The following SGO1 variants were observed in gnomAD, a reference collection of about 807,000 sequenced individuals.
SGO1 encodes shugoshin 1.
SGO1 carries 39 observed loss-of-function variants against 50.5 expected under a neutral mutation model. The ratio of observed to expected loss-of-function variants is 0.77; its 90% confidence interval spans 0.60 to 1.01. The LOEUF (loss-of-function observed/expected upper bound fraction) is 1.01, where lower values mean the gene tolerates loss of function less well. SGO1 is among the 50% of genes least tolerant of loss of function. The probability of loss-of-function intolerance (pLI) is 0.00; values close to 1 mark genes in which losing one functional copy is unlikely to be tolerated. For synonymous variants in SGO1, 191 were observed against 205.1 expected (o/e 0.93, Z 0.59); for missense variants, 638 against 606.0 (o/e 1.05, Z -0.55).
At chr3:20,173,799 A>G (rs1701049117) in intron 6 of SGO1, among the ~76,000 whole-genome samples, 1 of 152,216 alleles carries the variant, frequency 6.6e-6, no homozygotes, top group South Asian at 2.1e-4. Context: ...AAGCCTATCA[A>G]TTGAGGAAAT....
rs1700536632 is a variant in SGO1 at position 20,169,827 on chromosome 3, T to C, written c.*877A>G. On this transcript the variant is annotated 3_prime_UTR_variant, in exon 8 of 8. Coordinates refer to ENST00000412997, the MANE Select transcript of SGO1 (RefSeq NM_001199251.3). ...GTCATTTTCCCATACATATTTTATCTGAAAAATTAAATATAACAGTGGTAT... is the reference window on the plus strand; with the variant it reads ...GTCATTTTCCCATACATATTTTATCCGAAAAATTAAATATAACAGTGGTAT... 1 of 975,494 alleles carries C rather than the reference T, an allele frequency of 1.0e-6. No homozygotes were observed. Among genetic ancestry groups the C allele is most frequent in the Admixed American group, 6.1e-5 (1 of 16,268 alleles). The allele number at this position is 975,494 out of a possible 1,614,324, so 60.4% of individuals were successfully genotyped here.
At chr3:20,164,332 A>G (rs1326665175) in intron 8 of SGO1, among the ~76,000 whole-genome samples, 2 of 152,174 alleles carry the variant, frequency 1.3e-5, no homozygotes, top group Non-Finnish European at 2.9e-5. Context: ...AGAAAAAAAT[A>G]TCATCTCAAT....
intron 3 of SGO1, among the ~76,000 whole-genome samples, chr3:20,182,082 CAAGAAAAAAAA>C (rs749320917): frequency 1.0e-4 from 14 of 133,350 alleles, no homozygotes; most frequent in Non-Finnish European, 1.4e-4. Flanking sequence ...GACTCTGTCT[CAAGAAAAAAAA>C]AAGAAAAAAA....
downstream of SGO1, chr3:20,169,444 T>C: frequency 2.0e-6 from 2 of 984,062 alleles, no homozygotes; most frequent in Non-Finnish European, 2.4e-6. Flanking sequence ...AGAGAGATAC[T>C]CTATTTTTGA....
chr3:20,179,682 G>C (rs1479346837), intron 3 of SGO1, among the ~76,000 whole-genome samples: 3 of 152,106 alleles, frequency 2.0e-5, no homozygotes, highest in Non-Finnish European at 4.4e-5. Context: ...TCTCACCTCA[G>C]CCTCCCAAAG....
At chr3:20,178,094 C>G (rs942037938) in intron 4 of SGO1, among the ~76,000 whole-genome samples, 177 bp downstream of exon 4, 10 of 152,080 alleles carry the variant, frequency 6.6e-5, no homozygotes, top group Non-Finnish European at 1.0e-4. Context: ...AAGGGTTTAG[C>G]TTGGCTATAT....
rs1575191569 is a variant in SGO1, at chr3:20,170,363, A to C, written c.*341T>G. The C allele has an allele frequency of 1.1e-6, 1 of 875,408 alleles. No homozygotes were observed. Among genetic ancestry groups the C allele is most frequent in the Non-Finnish European group, 1.4e-6 (1 of 729,924 alleles). 54.2% of individuals were successfully genotyped at this position (875,408 alleles called of 1,614,324 possible). A position where few individuals can be genotyped will look rare whatever the true frequency, so the allele number is the denominator to read the frequency against. On this transcript the variant is annotated 3_prime_UTR_variant, in exon 8 of 8. Transcript: ENST00000412997. Reference sequence around the variant, plus strand: ...CGGTAAGCTGAGATCGTGCCATTGCACTCCAGCCTGGGCAACAAGAATGAA... The same window carrying C: ...CGGTAAGCTGAGATCGTGCCATTGCCCTCCAGCCTGGGCAACAAGAATGAA...
upstream of SGO1, chr3:20,186,746 A>G (rs1227650067): frequency 6.6e-6 from 1 of 152,232 alleles, no homozygotes. Context: ...TTCTCGAGAA[A>G]TGGCACCAAC....
At chr3:20,183,096 A>G (rs1702215909) in intron 3 of SGO1, among the ~76,000 whole-genome samples, 1 of 152,222 alleles carries the variant, frequency 6.6e-6, no homozygotes, top group Non-Finnish European at 1.5e-5. Flanking sequence ...TACTTAGCCA[A>G]CAAGTAGGTA....
intron 8 of SGO1, among the ~76,000 whole-genome samples, chr3:20,161,994 C>T (rs895778752): frequency 2.0e-4 from 30 of 152,258 alleles, no homozygotes; most frequent in African/African-American, 7.2e-4. Context: ...TTCTTCCCAA[C>T]GTAGTTTCAG....
chr3:20,167,608 A>G (rs988762605), downstream of SGO1, among the ~76,000 whole-genome samples: 1 of 152,224 alleles, frequency 6.6e-6, no homozygotes, highest in Non-Finnish European at 1.5e-5. Flanking sequence ...AGTAATTAAA[A>G]CAAAGAAATA....
chr3:20,180,213 G>T (rs1002136678), intron 3 of SGO1, among the ~76,000 whole-genome samples: 1 of 152,166 alleles, frequency 6.6e-6, no homozygotes, highest in Admixed American at 6.6e-5. Flanking sequence ...CTTGAGCCTG[G>T]GAGGTCAAGC....
chr3:20,170,882 C>T (rs1700652090), intron 7 of SGO1, 67 bp from the exon 8 acceptor site: 6 of 1,534,992 alleles, frequency 3.9e-6, no homozygotes, highest in Non-Finnish European at 5.3e-6. Flanking sequence ...TCTTCCCTAC[C>T]AAGTTATGGT....
At chr3:20,162,597 G>C (rs932777822) in intron 8 of SGO1, among the ~76,000 whole-genome samples, 1 of 152,034 alleles carries the variant, frequency 6.6e-6, no homozygotes, top group Non-Finnish European at 1.5e-5. Context: ...TACAAGGCAG[G>C]AAAGTATAAT....
At position 20,174,259 on chromosome 3, in the gene SGO1, T is replaced by C; in HGVS notation, c.1272A>G (p.Lys424=). 6.2e-7 allele frequency: 1 copy of C among 1,612,420 alleles called. No homozygotes were observed. Among genetic ancestry groups the C allele is most frequent in the Non-Finnish European group, 8.5e-7 (1 of 1,178,994 alleles). ...AAGTAGATCACTTACTGGTAGGAGT[T>C]TTTGTTGGCTTAGAACCCTCCGTCT... ...EKETEGSKPT[K]TPTTTPPETQ... is the part of the protein sequence containing the mutation. The change falls in exon 6 of 8, where the codon AAA becomes AAG. Residue 424 remains lysine, a synonymous_variant. Coordinates refer to ENST00000412997, the MANE Select transcript of SGO1 (RefSeq NM_001199251.3).
At chr3:20,178,052 G>T (rs1158749776) in intron 4 of SGO1, among the ~76,000 whole-genome samples, 1 of 151,970 alleles carries the variant, frequency 6.6e-6, no homozygotes, top group East Asian at 1.9e-4. Flanking sequence ...TTTTTCCTAG[G>T]CATCAAAAAA....
Position 20,174,438 on chromosome 3 carries a change from C to T in SGO1, c.1093G>A (p.Glu365Lys). 1 of 1,614,152 alleles carries T rather than the reference C, an allele frequency of 6.2e-7. No individual in the cohort carries two copies. The highest frequency in any genetic ancestry group is 1.3e-5 in the African/African-American group (1 of 75,040). ...DSNREENNES[E>K]VSLCESSGSG... ...CCACTTGATTCACAGAGGCTCACTT[C>T]AGACTCGTTGTTTTCTTCTCTATTA... Residue 365 changes from glutamate to lysine, a missense_variant, in exon 6 of 8, where the codon GAA becomes AAA. Physicochemically the swap from Glu to Lys is moderately conservative, Grantham distance 56 (BLOSUM62 1). Transcript: ENST00000412997.
Position 20,174,745 on chromosome 3 carries a change from T to C in SGO1, c.786A>G (p.Pro262=), listed in dbSNP as rs781534411. 6.2e-7 allele frequency: 1 copy of C among 1,614,132 alleles called. No individual in the cohort carries two copies. The highest frequency in any genetic ancestry group is 8.5e-7 in the Non-Finnish European group (1 of 1,180,022). The change falls in exon 6 of 8, where the codon CCA becomes CCG. Residue 262 remains proline (P), a synonymous_variant. Coordinates refer to ENST00000412997, the MANE Select transcript of SGO1 (RefSeq NM_001199251.3). ...CTTCTTTTGTTTTAGTAAACGTTCC[T>C]GGCTGAATCAGCTTTGGTGATAAGT... ...QVNLSPKLIQ[P]GTFTKTKEDI...
intron 1 of SGO1, among the ~76,000 whole-genome samples, chr3:20,185,460 A>G (rs1290481807): frequency 6.6e-6 from 1 of 152,130 alleles, no homozygotes; most frequent in African/African-American, 2.4e-5. Context: ...GACAGACCAC[A>G]GCGCGAGATG....
Sources: gnomAD v4.1 joint callset for allele counts (sites outside exome capture counted in the v4.1 genomes callset) on GRCh38, gnomAD v4.1.1 for gene constraint, MANE v1.5 for transcripts, NCBI Gene and HGNC (gene_info 2026-07-23, HGNC 2026-07-21) for gene names.